GPC6: variants seen among roughly 807,000 people sequenced by gnomAD.
The protein encoded by GPC6 is glypican-6.
In GPC6, 14 loss-of-function variants were observed where a neutral mutation model predicts 55.2. The ratio of observed to expected loss-of-function variants is 0.25; its 90% CI spans 0.17 to 0.40. GPC6 has a LOEUF of 0.40. GPC6 is among the 10% of genes least tolerant of loss of function. The pLI is 1.00. For synonymous variants in GPC6, 278 were observed against 259.6 expected, an observed-to-expected ratio of 1.07 and a Z score of -0.68; for missense variants, 641 against 708.5, an observed-to-expected ratio of 0.90 and a Z score of 1.08.
At chr13:93,261,457 C>T (rs757291275) in intron 1 of GPC6, among the ~76,000 whole-genome samples, 1 of 152,156 alleles carries the variant, frequency 6.6e-6, no homozygotes, top group Non-Finnish European at 1.5e-5. Flanking sequence ...TGTAGTACTG[C>T]ATTTACTTGA....
At chr13:93,363,117 G>T (rs201347661) in intron 1 of GPC6, among the ~76,000 whole-genome samples, 138 of 125,744 alleles carry the variant, frequency 1.1e-3, no homozygotes, top group East Asian at 1.8e-3. Flanking sequence ...CTTTTTTTTT[G>T]TTTTTTTTTT....
chr13:93,956,808 A>C (rs1879527627), intron 3 of GPC6, among the ~76,000 whole-genome samples: 1 of 152,232 alleles, frequency 6.6e-6, no homozygotes, highest in Admixed American at 6.5e-5. Context: ...TTCCAAATGC[A>C]TACTCTGCAG....
chr13:93,246,481 G>A (rs1018364359), intron 1 of GPC6, among the ~76,000 whole-genome samples: 10 of 151,764 alleles, frequency 6.6e-5, no homozygotes, highest in Non-Finnish European at 1.5e-5. Context: ...ACCTTGAAGT[G>A]TTCTAAAAAA....
At chr13:93,829,856 G>T (rs1481169269) in intron 2 of GPC6, among the ~76,000 whole-genome samples, 1 of 152,110 alleles carries the variant, frequency 6.6e-6, no homozygotes, top group Non-Finnish European at 1.5e-5. Context: ...CAAACCATAG[G>T]ATTATTTAAA....
intron 4 of GPC6, among the ~76,000 whole-genome samples, chr13:94,143,915 C>T (rs1416214787): frequency 6.6e-6 from 1 of 152,100 alleles, no homozygotes; most frequent in Non-Finnish European, 1.5e-5. Flanking sequence ...AAAATTATAG[C>T]AATTGAAAGT....
At chr13:93,733,188 G>C (rs1383599363) in intron 2 of GPC6, among the ~76,000 whole-genome samples, 5 of 151,986 alleles carry the variant, frequency 3.3e-5, no homozygotes, top group African/African-American at 1.2e-4. Context: ...TCATCTTACT[G>C]TGACTCAAAA....
intron 2 of GPC6, chr13:93,818,445 G>T (rs1422726855): frequency 6.6e-6 from 1 of 152,074 alleles, no homozygotes; most frequent in African/African-American, 2.4e-5. Context: ...TGTTGTCTAT[G>T]TTATGTGCTT....
chr13:93,543,203 T>G (rs2139430548), intron 1 of GPC6, among the ~76,000 whole-genome samples: 1 of 152,322 alleles, frequency 6.6e-6, no homozygotes, highest in Non-Finnish European at 1.5e-5. Context: ...GTCCCATCAA[T>G]ACCTAATTTA....
chr13:93,275,647 A>G lies in GPC6; in HGVS notation c.160+48031A>G, dbSNP rs1020481416. The stretch of plus-strand genomic sequence containing the variant: ...GATGGCTGCCTTCTCCCTGTCCTCA[A>G]TGGGGTTTCTCCTGTGTGTGCATCC... On this transcript the variant is annotated intron_variant, in intron 1 of 8. Coordinates refer to ENST00000377047, the MANE Select transcript of GPC6 (RefSeq NM_005708.5). 5.3e-5 allele frequency among the ~76,000 whole-genome samples: 8 copies of G among 152,082 alleles called. 1 individual carries two copies. Among genetic ancestry groups the G allele is most frequent in the South Asian group, 4.1e-4 (2 of 4,830 alleles).
At chr13:93,612,246 T>G (rs1878501227) in intron 2 of GPC6, among the ~76,000 whole-genome samples, 1 of 152,174 alleles carries the variant, frequency 6.6e-6, no homozygotes. Flanking sequence ...ACGCCTGTAA[T>G]CCCAGCACTT....
chr13:93,252,891 G>A (rs1021280746), intron 1 of GPC6, among the ~76,000 whole-genome samples: 1 of 152,166 alleles, frequency 6.6e-6, no homozygotes, highest in African/African-American at 2.4e-5. Flanking sequence ...GTAATGTAGA[G>A]ACACCCTTAT....
intron 6 of GPC6, among the ~76,000 whole-genome samples, chr13:94,308,909 T>G (rs1876094306): frequency 1.3e-5 from 2 of 152,206 alleles, no homozygotes; most frequent in African/African-American, 2.4e-5. Flanking sequence ...AATATAGCTC[T>G]GAACACTGGA....
chr13:93,487,190 T>G (rs1404587679), intron 1 of GPC6, among the ~76,000 whole-genome samples: 1 of 152,122 alleles, frequency 6.6e-6, no homozygotes, highest in Non-Finnish European at 1.5e-5. Flanking sequence ...TTGAAGGAGA[T>G]CATTATTGCA....
intron 2 of GPC6, among the ~76,000 whole-genome samples, chr13:93,570,369 C>A (rs953959466): frequency 6.6e-6 from 1 of 152,102 alleles, no homozygotes; most frequent in African/African-American, 2.4e-5. Context: ...TGAATACCTA[C>A]CTTAAGTAAA....
chr13:93,932,890 G>A (rs1428002369), intron 3 of GPC6, among the ~76,000 whole-genome samples: 1 of 151,174 alleles, frequency 6.6e-6, no homozygotes, highest in African/African-American at 2.4e-5. Flanking sequence ...TATTTTCTTT[G>A]AGTTTAGGTC....
intron 1 of GPC6, among the ~76,000 whole-genome samples, chr13:93,417,647 C>A (rs1876750275): frequency 6.6e-6 from 1 of 151,924 alleles, no homozygotes; most frequent in South Asian, 2.1e-4. Context: ...AAAATTTAAA[C>A]AAAATCAAAG....
intron 3 of GPC6, among the ~76,000 whole-genome samples, chr13:93,927,501 G>T (rs1877922548): frequency 6.6e-6 from 1 of 152,064 alleles, no homozygotes; most frequent in African/African-American, 2.4e-5. Flanking sequence ...TCCTATAGTG[G>T]TTTGCTTCCT....
At chr13:93,446,362 T>G (rs1050104584) in intron 1 of GPC6, among the ~76,000 whole-genome samples, 2 of 152,132 alleles carry the variant, frequency 1.3e-5, no homozygotes, top group African/African-American at 4.8e-5. Context: ...GCTGCACCAC[T>G]GAGATCATCT....
chr13:93,678,683 C>G (rs1881738047), intron 2 of GPC6, among the ~76,000 whole-genome samples: 1 of 152,122 alleles, frequency 6.6e-6, no homozygotes, highest in South Asian at 2.1e-4. Context: ...ACTCACCTAC[C>G]ACTTCAGGAA....
Sources: gnomAD v4.1 joint callset for allele counts (sites outside exome capture counted in the v4.1 genomes callset) on GRCh38, gnomAD v4.1.1 for gene constraint, MANE v1.5 for transcripts, NCBI Gene and HGNC (gene_info 2026-07-23, HGNC 2026-07-21) for gene names.